The following SIPA1L3 variants were observed in gnomAD, a reference collection of about 807,000 sequenced individuals.
SIPA1L3 encodes the protein signal-induced proliferation-associated 1-like protein 3.
SIPA1L3 carries 59 observed loss-of-function variants against 150.1 expected under a neutral mutation model. The observed-to-expected ratio is 0.39, with a 90% CI of 0.32 to 0.49. The LOEUF is 0.49. Among genes scored for constraint, SIPA1L3 ranks in the 20% least tolerant of loss-of-function variants. The pLI, the probability that SIPA1L3 is intolerant of heterozygous loss-of-function variation, is 0.86. For synonymous variants in SIPA1L3, 1,070 were observed against 1,077.6 expected, an observed-to-expected ratio of 0.99 and a Z score of 0.14; for missense variants, 2,211 against 2,489.5, an observed-to-expected ratio of 0.89 and a Z score of 2.38.
chr19:38,107,146 C>A (rs994987360), intron 7 of SIPA1L3, among the ~76,000 whole-genome samples: 5 of 152,192 alleles, frequency 3.3e-5, no homozygotes, highest in African/African-American at 4.8e-5. Flanking sequence ...AGCAAAGATA[C>A]CTCCTAGCAG....
At chr19:37,919,250 T>G (rs1410178464) in intron 1 of SIPA1L3, among the ~76,000 whole-genome samples, 2 of 152,220 alleles carry the variant, frequency 1.3e-5, no homozygotes, top group African/African-American at 4.8e-5. Context: ...CTCACCACAC[T>G]TATCTCCAAC....
At chr19:38,097,517 T>G (rs956461650) in intron 4 of SIPA1L3, among the ~76,000 whole-genome samples, 1 of 152,178 alleles carries the variant, frequency 6.6e-6, no homozygotes, top group Non-Finnish European at 1.5e-5. Flanking sequence ...ATTACCCAGG[T>G]ATTTGCTTTC....
intron 1 of SIPA1L3, among the ~76,000 whole-genome samples, chr19:37,957,129 C>T (rs2046818099): frequency 3.3e-5 from 5 of 152,192 alleles, no homozygotes; most frequent in Admixed American, 3.3e-4. Flanking sequence ...TTCTTCTGAT[C>T]TATTGGTTTA....
chr19:38,181,637 A>C (rs960427075), intron 15 of SIPA1L3, among the ~76,000 whole-genome samples: 1 of 152,052 alleles, frequency 6.6e-6, no homozygotes, highest in Admixed American at 6.6e-5. Context: ...TGAGGTTAGG[A>C]GTTTGAGACC....
chr19:38,062,023 G>A (rs1448007923), intron 2 of SIPA1L3, among the ~76,000 whole-genome samples: 2 of 151,744 alleles, frequency 1.3e-5, no homozygotes, highest in Non-Finnish European at 2.9e-5. Context: ...CCCTCACCCC[G>A]ATGAGTGCAC....
chr19:37,981,669 C>T (rs976414676), intron 1 of SIPA1L3, among the ~76,000 whole-genome samples: 2 of 152,152 alleles, frequency 1.3e-5, no homozygotes, highest in East Asian at 3.8e-4. Context: ...GCAGCGTCGC[C>T]ATCATTTCAG....
rs1973183101 is a variant in SIPA1L3, at chr19:38,205,264, A to C, written c.5203-833A>C. 2.0e-5 allele frequency among the ~76,000 whole-genome samples: 3 copies of C among 147,870 alleles called. No homozygotes were observed. The South Asian group carries it at 6.6e-4, about 32-fold the overall frequency. On this transcript the variant is annotated intron_variant, in intron 21 of 21. Transcript: ENST00000222345. ...TGGGTGAGGTCAGGAGTTCAAGACC[A>C]GCCTGGCCAATATGGTGAAACCCCG... is the stretch of plus-strand genomic sequence containing the variant.
chr19:38,039,886 T>C (rs1968874070), intron 2 of SIPA1L3, among the ~76,000 whole-genome samples: 1 of 151,684 alleles, frequency 6.6e-6, no homozygotes, highest in Non-Finnish European at 1.5e-5. Flanking sequence ...TTGGGAAGCA[T>C]AGGAGGATCG....
At chr19:38,205,459 A>AC (rs1973189064) in intron 21 of SIPA1L3, among the ~76,000 whole-genome samples, 2 of 146,110 alleles carry the variant, frequency 1.4e-5, no homozygotes, top group African/African-American at 5.0e-5. Flanking sequence ...CCCAGTCTCA[A>AC]AAAAAAAAAA....
intron 2 of SIPA1L3, among the ~76,000 whole-genome samples, chr19:38,080,448 A>G (rs1012779791): frequency 6.6e-6 from 1 of 152,232 alleles, no homozygotes; most frequent in African/African-American, 2.4e-5. Context: ...GCCATTGTAG[A>G]GTAGAGGAGA....
chr19:38,040,847 G>A (rs1341152416), intron 2 of SIPA1L3, among the ~76,000 whole-genome samples: 1 of 152,108 alleles, frequency 6.6e-6, no homozygotes, highest in Non-Finnish European at 1.5e-5. Context: ...TGCAAGCTCC[G>A]CCTCCTGGGT....
At chr19:38,141,613 G>A (rs1221142306) in intron 11 of SIPA1L3, among the ~76,000 whole-genome samples, 178 bp downstream of exon 11, 3 of 151,962 alleles carry the variant, frequency 2.0e-5, no homozygotes, top group East Asian at 1.9e-4. Flanking sequence ...AGCTTTCACC[G>A]TTGGCCTCTT....
intron 2 of SIPA1L3, among the ~76,000 whole-genome samples, chr19:38,029,818 C>T (rs972076140): frequency 2.0e-5 from 3 of 148,166 alleles, no homozygotes; most frequent in Non-Finnish European, 4.4e-5. Flanking sequence ...AGGCTGGTTT[C>T]GAACTCCCGA....
In SIPA1L3 at chr19:38,206,859, AATT is replaced by A. The variant is rs1160692415; in HGVS notation, c.*623_*625del. 6.6e-6 allele frequency: 1 copy of A among 152,624 alleles called. No individual in the cohort carries two copies. Among genetic ancestry groups the A allele is most frequent in the Non-Finnish European group, 1.5e-5 (1 of 68,130 alleles). The allele number at this position is 152,624 out of a possible 1,614,324, so 9.5% of individuals were successfully genotyped here. ...GCCAGGAGCACTTTCTTAGAGTTTA[AATT>A]ATTTTCTTGGGGGCCTGAGGATAGA... is the stretch of plus-strand genomic sequence containing the variant. On this transcript the variant is annotated 3_prime_UTR_variant, in exon 22 of 22. Transcript: ENST00000222345.
chr19:37,908,855 T>C (rs2046356769), intron 1 of SIPA1L3, among the ~76,000 whole-genome samples: 1 of 152,184 alleles, frequency 6.6e-6, no homozygotes, highest in Non-Finnish European at 1.5e-5. Flanking sequence ...GCTTTAATTA[T>C]TGTCCTGGTG....
intron 1 of SIPA1L3, among the ~76,000 whole-genome samples, chr19:38,024,105 G>A (rs970049676): frequency 6.6e-6 from 1 of 152,214 alleles, no homozygotes; most frequent in Non-Finnish European, 1.5e-5. Flanking sequence ...ACGAGGGTGG[G>A]GTAGAAAATC....
intron 1 of SIPA1L3, among the ~76,000 whole-genome samples, chr19:37,995,652 G>T (rs931164866): frequency 7.9e-5 from 12 of 152,184 alleles, no homozygotes; most frequent in South Asian, 2.1e-4. Flanking sequence ...GCCTGAGGAG[G>T]TGGGGCCTGG....
chr19:38,129,595 A>C (rs1971261259), intron 9 of SIPA1L3, among the ~76,000 whole-genome samples: 1 of 149,084 alleles, frequency 6.7e-6, no homozygotes, highest in Non-Finnish European at 1.5e-5. Context: ...ACTGCACTCC[A>C]GCCTGGGCGA....
At chr19:37,944,634 GTT>G (rs1452143067) in intron 1 of SIPA1L3, among the ~76,000 whole-genome samples, 1 of 152,184 alleles carries the variant, frequency 6.6e-6, no homozygotes, top group African/African-American at 2.4e-5. Flanking sequence ...ATGGGGTTAT[GTT>G]CTGATGCACC....
Sources: gnomAD v4.1 joint callset for allele counts (sites outside exome capture counted in the v4.1 genomes callset) on GRCh38, gnomAD v4.1.1 for gene constraint, MANE v1.5 for transcripts, NCBI Gene and HGNC (gene_info 2026-07-23, HGNC 2026-07-21) for gene names.